The following PARL variants were observed in gnomAD, a reference collection of about 807,000 sequenced individuals.
The protein encoded by PARL is presenilin-associated rhomboid-like protein, mitochondrial.
PARL carries 44 observed loss-of-function variants against 51.6 expected under a neutral mutation model. That is an observed-to-expected ratio of 0.85 (90% CI 0.67 to 1.10). PARL has a LOEUF of 1.10. Among genes scored for constraint, PARL ranks in the 50% least tolerant of loss-of-function variants. The pLI is 0.00. For synonymous variants in PARL, 172 were observed against 164.0 expected, an observed-to-expected ratio of 1.05 and a Z score of -0.37; for missense variants, 441 against 469.5, an observed-to-expected ratio of 0.94 and a Z score of 0.56.
chr3:183,859,139 A>G (rs1028210268), intron 4 of PARL, among the ~76,000 whole-genome samples: 2 of 152,194 alleles, frequency 1.3e-5, no homozygotes, highest in African/African-American at 2.4e-5. Context: ...CCCCGTCTCT[A>G]CTAAAAATAC....
intron 4 of PARL, chr3:183,846,633 G>A (rs2108623057): frequency 1.0e-6 from 1 of 985,354 alleles, no homozygotes; most frequent in African/African-American, 1.7e-5. Flanking sequence ...ACAGACTGTA[G>A]CCAAAATCCC....
Position 183,833,580 on chromosome 3 carries a change from C to T in PARL, c.940G>A (p.Ala314Thr). 1 of 1,612,322 alleles carries T rather than the reference C, an allele frequency of 6.2e-7. No homozygotes were observed. Among genetic ancestry groups the T allele is most frequent in the African/African-American group, 1.3e-5 (1 of 74,994 alleles). ...FTFTAGNALK[A>T]IIAMDTAGMI... ...CCTGCTGTATCCATGGCGATAATGGCTTTCAGGGCCTGAAAGGCAGCAAGA... is the reference window on the plus strand; with the variant it reads ...CCTGCTGTATCCATGGCGATAATGGTTTTCAGGGCCTGAAAGGCAGCAAGA... The change falls in exon 9 of 10, where the codon GCC becomes ACC. Residue 314 changes from alanine (A) to threonine (T), a missense_variant. Ala to Thr is a moderately conservative substitution (Grantham distance 58, BLOSUM62 0). Coordinates refer to ENST00000317096, the MANE Select transcript of PARL (RefSeq NM_018622.7).
At chr3:183,861,165 G>A (rs1477726738) in intron 4 of PARL, 28 of 500,592 alleles carry the variant, frequency 5.6e-5, no homozygotes, top group Non-Finnish European at 7.0e-5. Context: ...TAATCTAGTG[G>A]AAACAGATGT....
chr3:183,862,495 T>C (rs1171826354), intron 4 of PARL: 3 of 455,752 alleles, frequency 6.6e-6, no homozygotes, highest in Non-Finnish European at 1.2e-5. Context: ...AATAAGCTAT[T>C]CCACAAGCTG....
At chr3:183,857,935 T>C (rs1243172892) in intron 4 of PARL, among the ~76,000 whole-genome samples, 1 of 152,198 alleles carries the variant, frequency 6.6e-6, no homozygotes, top group East Asian at 1.9e-4. Context: ...TATTCTTTGA[T>C]ACATGAAGTG....
chr3:183,831,744 GA>G (rs916844648), intron 9 of PARL, among the ~76,000 whole-genome samples: 2 of 148,164 alleles, frequency 1.3e-5, no homozygotes, highest in East Asian at 2.0e-4. Context: ...GCACTTCAAC[GA>G]AAAAAAAATA....
chr3:183,858,502 A>G (rs1382727304), intron 4 of PARL, among the ~76,000 whole-genome samples: 1 of 152,182 alleles, frequency 6.6e-6, no homozygotes, highest in Admixed American at 6.5e-5. Flanking sequence ...CTCTCTCCCT[A>G]TCCTTTTCTG....
intron 4 of PARL, among the ~76,000 whole-genome samples, chr3:183,861,503 G>T (rs190011087): frequency 1.4e-4 from 21 of 152,276 alleles, no homozygotes; most frequent in Admixed American, 8.5e-4. Context: ...ACTTCCTAAA[G>T]GAAGCAATGT....
chr3:183,834,886 C>CAAAAAAAAAAAAAAAAAAAAAA (rs60078452), intron 7 of PARL, among the ~76,000 whole-genome samples: 1 of 108,678 alleles, frequency 9.2e-6, no homozygotes, highest in African/African-American at 3.9e-5. Flanking sequence ...ACTAAAAATA[C>CAAAAAAAAAAAAAAAAAAAAAA]AAAAAAAAAA....
chr3:183,866,450 C>T (rs1398461227), intron 3 of PARL, among the ~76,000 whole-genome samples, 175 bp downstream of exon 3: 1 of 152,156 alleles, frequency 6.6e-6, no homozygotes, highest in Non-Finnish European at 1.5e-5. Flanking sequence ...GAGAACAATT[C>T]AAATATACCT....
intron 1 of PARL, among the ~76,000 whole-genome samples, chr3:183,882,265 A>T (rs1382453021): frequency 1.2e-4 from 7 of 56,248 alleles, no homozygotes; most frequent in Admixed American, 4.6e-4. Context: ...ATATATATAT[A>T]TATTTATATA....
chr3:183,869,834 A>G (rs940874416), intron 1 of PARL, among the ~76,000 whole-genome samples: 3 of 152,276 alleles, frequency 2.0e-5, no homozygotes, highest in Admixed American at 6.5e-5. Context: ...TTCCAACTCT[A>G]TACTGAATAA....
intron 6 of PARL, among the ~76,000 whole-genome samples, chr3:183,842,095 T>C (rs575300626): frequency 1.4e-4 from 22 of 152,332 alleles, no homozygotes; most frequent in South Asian, 2.1e-4. Context: ...ATAATTCATA[T>C]GTAAGAAGAA....
chr3:183,884,740 G>T lies in PARL; in HGVS notation c.107C>A (p.Pro36Gln). 6.3e-7 allele frequency: 1 copy of T among 1,579,766 alleles called. No homozygotes were observed. Residue 36 changes from proline to glutamine, a missense_variant, in exon 1 of 10, where the codon CCG becomes CAG. Physicochemically the swap from Pro to Gln is moderately conservative, Grantham distance 76. Transcript: ENST00000317096. ...CEELTAVLTP[P>Q]QLLGRRFNFF... The stretch of plus-strand genomic sequence containing the variant: ...CTATTACCTGCGTCCGAGGAGCTGC[G>T]GCGGGGTTAGGACCGCAGTGAGCTC...
intron 3 of PARL, among the ~76,000 whole-genome samples, chr3:183,864,733 G>A (rs1297167349): frequency 2.0e-5 from 3 of 150,892 alleles, no homozygotes; most frequent in South Asian, 2.1e-4. Flanking sequence ...CAGAGATCGC[G>A]CCACTGCACT....
At chr3:183,864,907 T>C (rs113473344) in intron 3 of PARL, among the ~76,000 whole-genome samples, 30 of 113,630 alleles carry the variant, frequency 2.6e-4, no homozygotes, top group Non-Finnish European at 4.9e-4. Flanking sequence ...ATATTTCTTT[T>C]TTTTTTTTTT....
At chr3:183,874,025 G>T (rs894340578) in intron 1 of PARL, among the ~76,000 whole-genome samples, 1 of 152,132 alleles carries the variant, frequency 6.6e-6, no homozygotes, top group African/African-American at 2.4e-5. Flanking sequence ...AAGGTTTGTG[G>T]CAACCATACA....
intron 4 of PARL, among the ~76,000 whole-genome samples, chr3:183,853,782 G>C (rs1006052103): frequency 6.6e-6 from 1 of 152,302 alleles, no homozygotes; most frequent in African/African-American, 2.4e-5. Context: ...CACACAAAGA[G>C]AAAATAACAA....
intron 9 of PARL, among the ~76,000 whole-genome samples, chr3:183,833,134 C>A (rs1432990587): frequency 6.6e-6 from 1 of 152,106 alleles, no homozygotes; most frequent in Non-Finnish European, 1.5e-5. Context: ...GGTGGGACGC[C>A]AGGCAGGGGA....
Sources: allele counts gnomAD v4.1 joint callset (sites outside exome capture counted in the v4.1 genomes callset), GRCh38; gene constraint gnomAD v4.1.1; transcripts MANE v1.5; gene names NCBI Gene and HGNC (gene_info 2026-07-23, HGNC 2026-07-21).